PCDH15: variants seen among roughly 807,000 people sequenced by gnomAD.
The protein encoded by PCDH15 is protocadherin-15.
In PCDH15, 129 loss-of-function variants were observed where a neutral mutation model predicts 178.5. The observed-to-expected ratio is 0.72, with a 90% confidence interval of 0.63 to 0.84. The LOEUF (loss-of-function observed/expected upper bound fraction) is 0.84, where lower values mean the gene tolerates loss of function less well. Ranked by LOEUF, PCDH15 falls within the 40% of genes least tolerant of loss-of-function variation. PCDH15 has a pLI of 0.00. For missense variants in PCDH15, 2,230 were observed against 2,099.9 expected (o/e 1.06, Z -1.21); for synonymous variants, 800 against 732.0 (o/e 1.09, Z -1.50).
chr10:55,438,908 A>AT lies in PCDH15; in HGVS notation c.-156+188716dup, dbSNP rs567659885. Among the ~76,000 whole-genome samples, 773 of 150,514 alleles carry AT rather than the reference A, an allele frequency of 5.1e-3. 8 individuals are homozygous for AT. The highest frequency in any genetic ancestry group is 0.018 in the African/African-American group (734 of 41,070). ...ATTATTAATTTTATTATATTTATTT[A>AT]TTTTTTTTGAGACAGAGTCTCCCAC... On this transcript the variant is annotated intron_variant, in intron 2 of 5. Transcript: ENST00000613346.
chr10:54,370,260 C>G (rs1375217049), intron 4 of PCDH15, among the ~76,000 whole-genome samples: 1 of 151,902 alleles, frequency 6.6e-6, no homozygotes, highest in Non-Finnish European at 1.5e-5. Flanking sequence ...AACTTTATCT[C>G]TAAATATGTC....
chr10:54,682,034 A>C (rs184795172), intron 1 of PCDH15, among the ~76,000 whole-genome samples: 4 of 152,280 alleles, frequency 2.6e-5, no homozygotes, highest in African/African-American at 7.2e-5. Flanking sequence ...ATTCCTTTGA[A>C]AAGTAATAGT....
intron 1 of PCDH15, among the ~76,000 whole-genome samples, chr10:55,227,808 C>T (rs570461562): frequency 1.3e-4 from 20 of 151,938 alleles, no homozygotes; most frequent in East Asian, 5.8e-4. Flanking sequence ...ATTCAGAGGA[C>T]GGGAGAAGGC....
chr10:54,487,342 G>A (rs888697483), intron 3 of PCDH15, among the ~76,000 whole-genome samples: 2 of 151,954 alleles, frequency 1.3e-5, no homozygotes, highest in East Asian at 3.9e-4. Flanking sequence ...AGACTCAGAA[G>A]GGTGAAGAAT....
chr10:54,586,620 T>C (rs554462016), intron 2 of PCDH15, among the ~76,000 whole-genome samples: 2 of 152,184 alleles, frequency 1.3e-5, no homozygotes, highest in African/African-American at 2.4e-5. Context: ...GGACAAGATA[T>C]GTATGACCTT....
chr10:53,984,830 T>C (rs1359913693), intron 21 of PCDH15, among the ~76,000 whole-genome samples: 1 of 152,202 alleles, frequency 6.6e-6, no homozygotes, highest in African/African-American at 2.4e-5. Flanking sequence ...GTACATTGTA[T>C]TATAGTTTAG....
intron 2 of PCDH15, among the ~76,000 whole-genome samples, chr10:54,943,598 C>A (rs1454478): frequency 0.022 from 3,274 of 151,928 alleles, 112 homozygotes; most frequent in African/African-American, 0.074. Flanking sequence ...TGTTAAAGAG[C>A]ATTGTAATGG....
At chr10:54,286,927 T>G (rs1457737415) in intron 8 of PCDH15, among the ~76,000 whole-genome samples, 3 of 152,194 alleles carry the variant, frequency 2.0e-5, no homozygotes, top group Non-Finnish European at 4.4e-5. Flanking sequence ...TGGCCAATAT[T>G]TTAAATGTTA....
intron 2 of PCDH15, among the ~76,000 whole-genome samples, chr10:55,592,368 A>G (rs1199187641): frequency 6.6e-6 from 1 of 152,010 alleles, no homozygotes; most frequent in Non-Finnish European, 1.5e-5. Context: ...AAGTAGTTAC[A>G]CTCCTGGCTC....
intron 1 of PCDH15, among the ~76,000 whole-genome samples, chr10:54,719,481 T>C (rs2095519403): frequency 6.6e-6 from 1 of 152,032 alleles, no homozygotes; most frequent in Non-Finnish European, 1.5e-5. Flanking sequence ...TTGTCTTTTT[T>C]GTGCAAATGG....
intron 2 of PCDH15, among the ~76,000 whole-genome samples, chr10:54,967,251 G>T (rs1838814864): frequency 2.6e-5 from 4 of 152,206 alleles, no homozygotes; most frequent in African/African-American, 9.6e-5. Context: ...GTGAGTCATT[G>T]ACTGAAACAT....
intron 3 of PCDH15, chr10:54,897,422 C>T (rs1397463940): frequency 6.6e-6 from 1 of 152,118 alleles, no homozygotes; most frequent in African/African-American, 2.4e-5. Flanking sequence ...TAAACATATA[C>T]TTGAATATTA....
At chr10:54,413,210 A>G (rs747341623) in intron 3 of PCDH15, among the ~76,000 whole-genome samples, 56 of 152,340 alleles carry the variant, frequency 3.7e-4, no homozygotes, top group Admixed American at 7.2e-4. Context: ...ATTTTTTAAT[A>G]GACAAGTAAC....
chr10:55,133,648 T>A (rs538042824), intron 2 of PCDH15, among the ~76,000 whole-genome samples: 73 of 152,224 alleles, frequency 4.8e-4, no homozygotes, highest in Non-Finnish European at 6.5e-4. Flanking sequence ...TAGCTAACAA[T>A]CAATATTGTC....
chr10:55,504,479 AT>A (rs1840720938), intron 2 of PCDH15, among the ~76,000 whole-genome samples: 1 of 151,454 alleles, frequency 6.6e-6, no homozygotes, highest in South Asian at 2.1e-4. Flanking sequence ...AAAATAAAAA[AT>A]TCTAAAGTTA....
chr10:55,568,714 T>C (rs1842351708), intron 2 of PCDH15, among the ~76,000 whole-genome samples: 2 of 152,064 alleles, frequency 1.3e-5, no homozygotes. Flanking sequence ...TTATTGCTAT[T>C]GTCATTCACA....
rs988829749 is a variant in PCDH15 at position 55,314,841 on chromosome 10, T to C, written c.-156+4758A>G. On this transcript the variant is annotated intron_variant, in intron 1 of 5. Transcript: ENST00000458638. ...AGCTGTATGTTAAAATATACACTTCTTGATATTTTGTTCAGTGATGACATT... is the reference window on the plus strand; with the variant it reads ...AGCTGTATGTTAAAATATACACTTCCTGATATTTTGTTCAGTGATGACATT... Among the ~76,000 whole-genome samples the C allele has an allele frequency of 2.0e-5, 3 of 152,194 alleles. No individual in the cohort carries two copies. In the South Asian group the frequency reaches 6.2e-4, roughly 31 times the overall value.
At chr10:54,642,729 T>C (rs1263558494) in intron 2 of PCDH15, among the ~76,000 whole-genome samples, 1 of 152,220 alleles carries the variant, frequency 6.6e-6, no homozygotes. Context: ...TTGTTTTTTA[T>C]ACCTTATATA....
intron 24 of PCDH15, among the ~76,000 whole-genome samples, chr10:53,939,958 G>A (rs1309406515): frequency 1.3e-5 from 2 of 152,066 alleles, no homozygotes; most frequent in Non-Finnish European, 2.9e-5. Context: ...ACACATAGTA[G>A]CACAGTAATA....
Sources: allele counts gnomAD v4.1 joint callset (sites outside exome capture counted in the v4.1 genomes callset), GRCh38; gene constraint gnomAD v4.1.1; transcripts MANE v1.5; gene names NCBI Gene and HGNC (gene_info 2026-07-23, HGNC 2026-07-21).